The following MED23 variants were observed in gnomAD, a reference collection of about 807,000 sequenced individuals.
MED23 encodes mediator of RNA polymerase II transcription subunit 23.
Under a neutral mutation model 163.9 loss-of-function variants are expected in MED23, and 105 were observed. The ratio of observed to expected loss-of-function variants is 0.64; its 90% confidence interval spans 0.55 to 0.75. The LOEUF is 0.75. MED23 is among the 30% of genes least tolerant of loss of function. The pLI is 0.00. For synonymous variants in MED23, 561 were observed against 565.6 expected (o/e 0.99, Z 0.12); for missense variants, 1,054 against 1,649.0 (o/e 0.64, Z 6.25).
rs1305458910 is a variant in MED23 at position 131,605,925 on chromosome 6, G to A, written c.1368-440C>T. 2.6e-5 allele frequency among the ~76,000 whole-genome samples: 4 copies of A among 152,232 alleles called. No homozygotes were observed. In the South Asian group the frequency reaches 8.3e-4, roughly 32 times the overall value. On this transcript the variant is annotated intron_variant, in intron 13 of 28. Coordinates refer to ENST00000368068, the MANE Select transcript of MED23 (RefSeq NM_004830.4). ...AAGTCTGACAATCCTGCCATCTCCTGTGAAGAGAAGTGGCAGTCCTTCTCA... is the reference window on the plus strand; with the variant it reads ...AAGTCTGACAATCCTGCCATCTCCTATGAAGAGAAGTGGCAGTCCTTCTCA...
chr6:131,616,139 CA>C, intron 9 of MED23, 137 bp from the exon 10 acceptor site: 1 of 725,082 alleles, frequency 1.4e-6, no homozygotes, highest in Non-Finnish European at 2.4e-6. Flanking sequence ...GGAAAAAAAT[CA>C]TAGGATTTTA....
intron 27 of MED23, among the ~76,000 whole-genome samples, chr6:131,589,990 CT>C (rs1397536661): frequency 6.6e-6 from 1 of 152,138 alleles, no homozygotes; most frequent in Admixed American, 6.6e-5. Flanking sequence ...GGGTCCTTTC[CT>C]TGTTTGCGAC....
At chr6:131,602,932 A>AT (rs1775594571) in intron 16 of MED23, 98 bp downstream of exon 16, 2 of 1,285,034 alleles carry the variant, frequency 1.6e-6, no homozygotes, top group Non-Finnish European at 2.2e-6. Flanking sequence ...AATAATAATA[A>AT]AAAAAAAAAC....
intron 10 of MED23, chr6:131,615,257 G>GA (rs1207995612): frequency 6.4e-7 from 1 of 1,570,388 alleles, no homozygotes; most frequent in Non-Finnish European, 8.8e-7. Context: ...TCTCTAAATG[G>GA]AATCAGTGGC....
chr6:131,627,894 A>G, intron 1 of MED23, 117 bp downstream of exon 1: 1 of 1,355,274 alleles, frequency 7.4e-7, no homozygotes, highest in Non-Finnish European at 1.1e-6. Context: ...GTGTCAAAAC[A>G]AGGGAATAAA....
intron 11 of MED23, 74 bp downstream of exon 11, chr6:131,609,972 G>C: frequency 1.5e-6 from 2 of 1,378,250 alleles, no homozygotes; most frequent in Non-Finnish European, 2.1e-6. Context: ...AAAATCACTA[G>C]GGAATGCCCA....
intron 10 of MED23, 94 bp downstream of exon 10, chr6:131,615,813 A>T: frequency 1.2e-6 from 1 of 861,322 alleles, no homozygotes; most frequent in Non-Finnish European, 2.0e-6. Flanking sequence ...AATAGTTCTT[A>T]ACTGTTTTGC....
chr6:131,623,286 G>T, intron 5 of MED23, 65 bp downstream of exon 5: 1 of 1,231,386 alleles, frequency 8.1e-7, no homozygotes, highest in Non-Finnish European at 1.2e-6. Context: ...CTGAAAATAA[G>T]ACATGCACAC....
At chr6:131,612,682 T>C (rs1206878719) in intron 10 of MED23, among the ~76,000 whole-genome samples, 1 of 152,132 alleles carries the variant, frequency 6.6e-6, no homozygotes, top group Non-Finnish European at 1.5e-5. Flanking sequence ...TTAACAATTC[T>C]ATTTCTACCT....
chr6:131,601,075 C>T (rs573246181), intron 17 of MED23, among the ~76,000 whole-genome samples: 27 of 151,686 alleles, frequency 1.8e-4, no homozygotes, highest in Non-Finnish European at 3.1e-4. Flanking sequence ...CTTGAAAGAA[C>T]GTCTGACAGA....
chr6:131,583,867 G>T (rs760628925), downstream of MED23: 56 of 1,613,968 alleles, frequency 3.5e-5, no homozygotes, highest in South Asian at 5.4e-4. Context: ...TGCTCGGGAG[G>T]GTAATCACAA....
chr6:131,618,009 C>T (rs1440792472), intron 9 of MED23, among the ~76,000 whole-genome samples: 1 of 152,174 alleles, frequency 6.6e-6, no homozygotes, highest in African/African-American at 2.4e-5. Flanking sequence ...AACAAAAACA[C>T]TATTTCCAAA....
intron 30 of MED23, chr6:131,576,816 G>GT: frequency 8.0e-7 from 1 of 1,252,574 alleles, no homozygotes; most frequent in South Asian, 1.2e-5. Flanking sequence ...AACCTGGAGT[G>GT]TGTCTGGAAT....
chr6:131,593,958 TAC>T (rs1562373604), intron 23 of MED23, 139 bp downstream of exon 23: 1 of 681,778 alleles, frequency 1.5e-6, no homozygotes. Flanking sequence ...TTCAAATCTT[TAC>T]AGAGATGAAA....
At position 131,618,417 on chromosome 6, in the gene MED23, G is replaced by A. The variant is rs1319312719; in HGVS notation, c.770C>T (p.Pro257Leu). 1 of 1,611,460 alleles carries A rather than the reference G, an allele frequency of 6.2e-7. No individual in the cohort carries two copies. Among genetic ancestry groups the A allele is most frequent in the Non-Finnish European group, 8.5e-7 (1 of 1,177,700 alleles). The change falls in exon 9 of 29, where the codon CCA (proline) becomes CTA (leucine). Residue 257 changes from proline (P) to leucine (L), a missense_variant. Physicochemically the swap from Pro to Leu is moderately conservative, Grantham distance 98. Around this residue, in one of 11 missense-constraint regions of MED23, gnomAD observed 54 missense variants for 79.7 expected, o/e 0.68. Transcript: ENST00000368068. ...TATTTAGCAACATACCTTATCATAT[G>A]GCAAAAGGCCTTTCAAAGGAAAACG... The part of the protein sequence containing the change: ...TLRFPLKGLL[P>L]YDKDLFEPQT...
intron 30 of MED23, chr6:131,579,676 A>G (rs950718416): frequency 6.2e-6 from 1 of 160,310 alleles, no homozygotes; most frequent in Non-Finnish European, 1.4e-5. Flanking sequence ...AAAAGTAATG[A>G]TCATAACATT....
intron 28 of MED23, among the ~76,000 whole-genome samples, chr6:131,589,250 A>G (rs1180054054): frequency 6.6e-6 from 1 of 152,156 alleles, no homozygotes; most frequent in South Asian, 2.1e-4. Flanking sequence ...ATCAAGGGGG[A>G]AAAGTACAAG....
chr6:131,627,369 T>C (rs1777583793), intron 3 of MED23, 27 bp downstream of exon 3: 1 of 1,552,834 alleles, frequency 6.4e-7, no homozygotes, highest in South Asian at 1.1e-5. Flanking sequence ...AATCATCAGC[T>C]GAATGTATTA....
In MED23 at chr6:131,602,397, AT is replaced by A. The variant is rs1279028858; in HGVS notation, c.1932-17del. 2 of 1,610,104 alleles carry A rather than the reference AT, an allele frequency of 1.2e-6. No homozygotes were observed. Among genetic ancestry groups the A allele is most frequent in the Admixed American group, 1.7e-5 (1 of 59,502 alleles). On this transcript the variant is annotated splice_polypyrimidine_tract_variant and intron_variant, in intron 16 of 28. Coordinates refer to ENST00000368068, the MANE Select transcript of MED23 (RefSeq NM_004830.4). Reference sequence around the variant, plus strand: ...GCTCTCGACACTGAAAATTGGGAGAATAAAAAGAAATGTAAAAAAATTTCAG... The same window carrying A: ...GCTCTCGACACTGAAAATTGGGAGAAAAAAAGAAATGTAAAAAAATTTCAG...
Sources: allele counts gnomAD v4.1 joint callset (sites outside exome capture counted in the v4.1 genomes callset), GRCh38; gene constraint gnomAD v4.1.1; regional missense constraint gnomAD v4.1.1; transcripts MANE v1.5; gene names NCBI Gene and HGNC (gene_info 2026-07-23, HGNC 2026-07-21).